Variants in ECPAS observed in about 807,000 individuals in gnomAD.
The protein encoded by ECPAS is proteasome adapter and scaffold protein ECM29.
ECPAS carries 70 observed loss-of-function variants against 255.1 expected under a neutral mutation model. The ratio of observed to expected loss-of-function variants is 0.27; its 90% confidence interval spans 0.23 to 0.33. The LOEUF is 0.33. ECPAS is among the 10% of genes least tolerant of loss of function. The probability of loss-of-function intolerance (pLI) is 1.00; values close to 1 mark genes in which losing one functional copy is unlikely to be tolerated. For missense variants in ECPAS, 1,817 were observed against 2,206.4 expected (o/e 0.82, Z 3.54); for synonymous variants, 784 against 775.0 (o/e 1.01, Z -0.19).
At position 111,440,278 on chromosome 9, in the gene ECPAS, C is replaced by A. The variant is rs898328038; in HGVS notation, c.539+94G>T. The A allele has an allele frequency of 4.4e-6, 5 of 1,126,664 alleles. No individual in the cohort carries two copies. In the African/African-American group the frequency reaches 4.6e-5, roughly 10 times the overall value. 69.8% of individuals were successfully genotyped at this position (1,126,664 alleles called of 1,614,324 possible). On this transcript the variant is annotated intron_variant, in intron 6 of 49. Transcript: ENST00000684092. ...ACGTAAATGGATGTTGAGATGCATTCATTTACTAGTGAGAGTTTAATCATT... is the reference window on the plus strand; with the variant it reads ...ACGTAAATGGATGTTGAGATGCATTAATTTACTAGTGAGAGTTTAATCATT...
intron 24 of ECPAS, among the ~76,000 whole-genome samples, chr9:111,408,311 G>A (rs538055248): frequency 6.6e-6 from 1 of 152,316 alleles, no homozygotes; most frequent in African/African-American, 2.4e-5. Flanking sequence ...GACGGGCTAT[G>A]TGGATATGTT....
Position 111,394,295 on chromosome 9 carries a change from C to A in ECPAS, c.2787G>T (p.Val929=). 6.6e-7 allele frequency: 1 copy of A among 1,520,598 alleles called. No homozygotes were observed. Among genetic ancestry groups the A allele is most frequent in the Non-Finnish European group, 8.8e-7 (1 of 1,132,584 alleles). 94.2% of individuals were successfully genotyped at this position (1,520,598 alleles called of 1,614,324 possible). The change falls in exon 26 of 50, where the codon GTG becomes GTT. Residue 929 remains valine, a synonymous_variant. Transcript: ENST00000684092. The part of the protein sequence containing the change: ...EEYTPPAGAK[V]NDVVPWVLDV... ...CCAACACCCATGGAACCACATCATTCACTTTGGCTCCTGGGGAAAAGCAAA... is the reference window on the plus strand; with the variant it reads ...CCAACACCCATGGAACCACATCATTAACTTTGGCTCCTGGGGAAAAGCAAA...
At position 111,472,990 on chromosome 9, in the gene ECPAS, GTA is replaced by G; in HGVS notation, c.-74_-73del. 1 of 1,120,592 alleles carries G rather than the reference GTA, an allele frequency of 8.9e-7. No individual in the cohort carries two copies. The highest frequency in any genetic ancestry group is 1.1e-6 in the Non-Finnish European group (1 of 893,220). 69.4% of individuals were successfully genotyped at this position (1,120,592 alleles called of 1,614,324 possible). Reference sequence around the variant, plus strand: ...TTCATCCACTCGTACATATGCAATTGTATAAAGAATCTATTATTTAGAACACC... The same window carrying G: ...TTCATCCACTCGTACATATGCAATTGTAAAGAATCTATTATTTAGAACACC... On this transcript the variant is annotated 5_prime_UTR_variant, in exon 2 of 50. The change abolishes the stop of an existing upstream ORF in the 5' untranslated region. Coordinates refer to ENST00000684092, the MANE Select transcript of ECPAS (RefSeq NM_001364929.1).
chr9:111,415,793 C>T (rs534474910), intron 18 of ECPAS, among the ~76,000 whole-genome samples: 6 of 151,860 alleles, frequency 4.0e-5, no homozygotes, highest in South Asian at 2.1e-4. Flanking sequence ...TTTCATTGAT[C>T]GTTAAAATAG....
intron 1 of ECPAS, among the ~76,000 whole-genome samples, chr9:111,478,600 T>C (rs1351002601): frequency 2.0e-5 from 3 of 152,196 alleles, no homozygotes; most frequent in Non-Finnish European, 4.4e-5. Context: ...TTGCTTCTCC[T>C]ACAAAGTGTG....
chr9:111,454,381 GATGCTTCTATGT>G (rs1296107460), intron 2 of ECPAS, among the ~76,000 whole-genome samples: 4 of 152,110 alleles, frequency 2.6e-5, no homozygotes, highest in Admixed American at 1.3e-4. Context: ...CAATCATTTG[GATGCTTCTATGT>G]ATGCCCAGCA....
intron 3 of ECPAS, among the ~76,000 whole-genome samples, chr9:111,445,088 T>C (rs1372457486): frequency 6.8e-6 from 1 of 147,866 alleles, no homozygotes; most frequent in African/African-American, 2.5e-5. Flanking sequence ...TTCTGCCTTC[T>C]GAGTTCAAGC....
chr9:111,445,968 GT>G (rs1428993548), intron 3 of ECPAS, among the ~76,000 whole-genome samples: 1 of 152,098 alleles, frequency 6.6e-6, no homozygotes, highest in Non-Finnish European at 1.5e-5. Flanking sequence ...TAGAATGATG[GT>G]TTCCAGCTTC....
intron 7 of ECPAS, among the ~76,000 whole-genome samples, chr9:111,436,559 A>T (rs1214122074): frequency 6.6e-6 from 1 of 152,242 alleles, no homozygotes; most frequent in East Asian, 1.9e-4. Context: ...GAATAATGTA[A>T]GAAAAATTGT....
chr9:111,437,937 T>C (rs1213620537), intron 6 of ECPAS, among the ~76,000 whole-genome samples: 2 of 152,196 alleles, frequency 1.3e-5, no homozygotes, highest in Admixed American at 6.5e-5. Context: ...ATATTGGATA[T>C]TATAATAAAA....
Position 111,380,604 on chromosome 9 carries a change from G to A in ECPAS, c.3804-1874C>T, listed in dbSNP as rs145305477. 5.5e-4 allele frequency among the ~76,000 whole-genome samples: 84 copies of A among 152,272 alleles called. 1 individual carries two copies. Among genetic ancestry groups the A allele is most frequent in the African/African-American group, 1.8e-3 (75 of 41,580 alleles). Reference sequence around the variant, plus strand: ...GCCTGGCCTTTGAAGCGTTGCAGCCGGGCACTGACTTCTCTCTAGCTAGGA... The same window carrying A: ...GCCTGGCCTTTGAAGCGTTGCAGCCAGGCACTGACTTCTCTCTAGCTAGGA... On this transcript the variant is annotated intron_variant, in intron 35 of 49. Coordinates refer to ENST00000684092, the MANE Select transcript of ECPAS (RefSeq NM_001364929.1).
intron 2 of ECPAS, among the ~76,000 whole-genome samples, chr9:111,465,432 C>T (rs1257102307): frequency 2.6e-5 from 4 of 151,832 alleles, no homozygotes; most frequent in South Asian, 2.1e-4. Context: ...CCGAGCTACT[C>T]GGGAAGTTGA....
intron 35 of ECPAS, 142 bp from the exon 36 acceptor site, chr9:111,378,872 T>C (rs2098136843): frequency 1.4e-6 from 1 of 737,334 alleles, no homozygotes; most frequent in African/African-American, 1.8e-5. Context: ...GGCATTACTT[T>C]TTTTAACTTT....
Position 111,412,002 on chromosome 9 carries a change from A to T in ECPAS, c.2214+12T>A. 1 of 1,522,136 alleles carries T rather than the reference A, an allele frequency of 6.6e-7. No individual in the cohort carries two copies. Among genetic ancestry groups the T allele is most frequent in the Non-Finnish European group, 8.7e-7 (1 of 1,144,058 alleles). 94.3% of individuals were successfully genotyped at this position (1,522,136 alleles called of 1,614,324 possible). ...ATCTCCCACAAAAAAGAATGAAAACAAAATAACATACGTGATTGTCTTTTG... is the reference window on the plus strand; with the variant it reads ...ATCTCCCACAAAAAAGAATGAAAACTAAATAACATACGTGATTGTCTTTTG... On this transcript the variant is annotated intron_variant, in intron 21 of 49. Transcript: ENST00000684092.
intron 45 of ECPAS, among the ~76,000 whole-genome samples, 168 bp downstream of exon 45, chr9:111,370,267 C>T (rs1277798350): frequency 1.3e-5 from 2 of 152,238 alleles, no homozygotes; most frequent in Non-Finnish European, 2.9e-5. Context: ...ATGCTCCCAA[C>T]GCTTTGTGAG....
chr9:111,383,465 GAC>G lies in ECPAS; in HGVS notation c.3682-135_3682-134del. ...AATCTACTTTCTCTGACACTACAGAGACACAGAGGAATGAGATCGGAGATTGA... is the reference window on the plus strand; with the variant it reads ...AATCTACTTTCTCTGACACTACAGAGACAGAGGAATGAGATCGGAGATTGA... On this transcript the variant is annotated intron_variant, in intron 34 of 49. Coordinates refer to ENST00000684092, the MANE Select transcript of ECPAS (RefSeq NM_001364929.1). The G allele has an allele frequency of 4.9e-6, 6 of 1,216,288 alleles. No individual in the cohort carries two copies. The South Asian group carries it at 9.6e-5, about 19-fold the overall frequency. The allele number at this position is 1,216,288 out of a possible 1,614,324, so 75.3% of individuals were successfully genotyped here. A position where few individuals can be genotyped will look rare whatever the true frequency, so the allele number is the denominator to read the frequency against.
At chr9:111,403,568 A>G (rs2098179525) in intron 24 of ECPAS, among the ~76,000 whole-genome samples, 1 of 149,902 alleles carries the variant, frequency 6.7e-6, no homozygotes, top group African/African-American at 2.5e-5. Context: ...TATAAAGGTT[A>G]TAAATATATA....
chr9:111,480,813 CAAG>C (rs1219386515), intron 1 of ECPAS, among the ~76,000 whole-genome samples: 6 of 152,182 alleles, frequency 3.9e-5, no homozygotes, highest in African/African-American at 7.2e-5. Context: ...CTGAACAAAA[CAAG>C]AAGAAGGCAA....
intron 22 of ECPAS, 33 bp from the exon 23 acceptor site, chr9:111,410,246 A>G (rs1187569028): frequency 6.3e-7 from 1 of 1,584,508 alleles, no homozygotes; most frequent in Non-Finnish European, 8.6e-7. Flanking sequence ...AGAGAATTAC[A>G]TACCATTATC....
Sources: allele counts gnomAD v4.1 joint callset (sites outside exome capture counted in the v4.1 genomes callset), GRCh38; gene constraint gnomAD v4.1.1; transcripts MANE v1.5; gene names NCBI Gene and HGNC (gene_info 2026-07-23, HGNC 2026-07-21).